Variants in EYS observed in about 807,000 individuals in gnomAD.
EYS encodes EGF-like photoreceptor maintenance factor.
A neutral mutation model predicts 282.1 loss-of-function variants in EYS; 250 were observed. That is an observed-to-expected ratio of 0.89 (90% CI 0.80 to 0.98). EYS has a LOEUF of 0.98. Ranked by LOEUF, EYS falls within the 50% of genes least tolerant of loss-of-function variation. The probability of loss-of-function intolerance (pLI) is 0.00; values close to 1 mark genes in which losing one functional copy is unlikely to be tolerated. For missense variants in EYS, 4,016 were observed against 3,709.0 expected (o/e 1.08, Z -2.15); for synonymous variants, 1,355 against 1,282.9 (o/e 1.06, Z -1.20).
chr6:63,749,112 G>A (rs1582168573), intron 41 of EYS, among the ~76,000 whole-genome samples: 2 of 152,062 alleles, frequency 1.3e-5, no homozygotes, highest in South Asian at 4.2e-4. Flanking sequence ...TTTTTGATAT[G>A]GGTGTTCAGT....
At chr6:65,452,741 TC>T (rs1764451838) in intron 5 of EYS, among the ~76,000 whole-genome samples, 1 of 152,008 alleles carries the variant, frequency 6.6e-6, no homozygotes, top group African/African-American at 2.4e-5. Context: ...TATCTTACAG[TC>T]CAAGATATTG....
At chr6:64,923,152 GA>G (rs34847710) in intron 15 of EYS, among the ~76,000 whole-genome samples, 22 of 151,798 alleles carry the variant, frequency 1.4e-4, no homozygotes, top group Non-Finnish European at 2.4e-4. Context: ...AGACACGGGG[GA>G]AAAAAAGGTT....
At chr6:65,304,106 G>A (rs2150293233) in intron 11 of EYS, 1 of 730,866 alleles carries the variant, frequency 1.4e-6, no homozygotes, top group East Asian at 2.6e-5. Context: ...AGGAAATGAA[G>A]TTGATTTTCT....
At chr6:64,438,655 G>A (rs1774830500) in intron 27 of EYS, among the ~76,000 whole-genome samples, 1 of 150,836 alleles carries the variant, frequency 6.6e-6, no homozygotes. Flanking sequence ...AAAATAAGGA[G>A]AAAAAAAGAC....
At chr6:65,543,485 C>A (rs908269649) in intron 2 of EYS, among the ~76,000 whole-genome samples, 11 of 147,366 alleles carry the variant, frequency 7.5e-5, no homozygotes, top group Non-Finnish European at 1.5e-4. Flanking sequence ...GTGTATATAT[C>A]TATATATATA....
At chr6:65,187,219 G>GT (rs1305481555) in intron 12 of EYS, among the ~76,000 whole-genome samples, 5 of 151,626 alleles carry the variant, frequency 3.3e-5, no homozygotes, top group African/African-American at 1.2e-4. Flanking sequence ...TCTTAGTATA[G>GT]TTTTTTGGTT....
chr6:65,380,862 A>T (rs557284710), intron 8 of EYS, among the ~76,000 whole-genome samples: 1 of 152,276 alleles, frequency 6.6e-6, no homozygotes, highest in Non-Finnish European at 1.5e-5. Context: ...CAAACATATA[A>T]AAAAAAGCTC....
intron 37 of EYS, among the ~76,000 whole-genome samples, chr6:63,796,931 A>G (rs1770659475): frequency 6.6e-6 from 1 of 152,204 alleles, no homozygotes; most frequent in African/African-American, 2.4e-5. Context: ...AGGAGCCACA[A>G]CGATGGTGCT....
At chr6:64,723,662 C>T (rs1415054173) in intron 22 of EYS, among the ~76,000 whole-genome samples, 2 of 152,152 alleles carry the variant, frequency 1.3e-5, no homozygotes, top group African/African-American at 4.8e-5. Context: ...AATCAATATC[C>T]TTCCTCTTTG....
rs1768648673 is a variant in EYS, at chr6:65,295,911, T to C, written c.1975A>G (p.Thr659Ala). 1 of 1,550,850 alleles carries C rather than the reference T, an allele frequency of 6.4e-7. No homozygotes were observed. Among genetic ancestry groups the C allele is most frequent in the Non-Finnish European group, 8.7e-7 (1 of 1,146,432 alleles). Residue 659 changes from threonine to alanine, a missense_variant, in exon 12 of 43, where the codon ACA becomes GCA. Thr to Ala is a moderately conservative substitution (Grantham distance 58). Transcript: ENST00000503581. ...CGGAAGAAATATCCCCTTAAATGTG[T>C]ACTAGTTGTTCCATTTTTGCAGGAC... ...SASCKNGTTS[T>A]HLRGYFFRKC...
intron 26 of EYS, among the ~76,000 whole-genome samples, chr6:64,517,843 A>G: frequency 6.6e-6 from 1 of 151,916 alleles, no homozygotes; most frequent in East Asian, 1.9e-4. Context: ...AAAAGTATCT[A>G]CAAGCCAACT....
At chr6:64,758,352 G>A (rs1405486961) in intron 22 of EYS, among the ~76,000 whole-genome samples, 2 of 152,160 alleles carry the variant, frequency 1.3e-5, no homozygotes, top group African/African-American at 4.8e-5. Flanking sequence ...CAAAATATAA[G>A]AGGATTATTG....
intron 1 of EYS, among the ~76,000 whole-genome samples, chr6:65,640,759 G>C (rs1206779211): frequency 1.3e-5 from 2 of 151,770 alleles, no homozygotes; most frequent in Non-Finnish European, 2.9e-5. Flanking sequence ...TATTTGATGA[G>C]GTACAGTTTC....
chr6:65,451,674 CAT>C (rs1267278188), intron 5 of EYS, among the ~76,000 whole-genome samples: 1 of 151,940 alleles, frequency 6.6e-6, no homozygotes, highest in Non-Finnish European at 1.5e-5. Context: ...AGTTAGCAAA[CAT>C]AAAGTCATTT....
intron 12 of EYS, among the ~76,000 whole-genome samples, chr6:65,097,670 TGAAGAA>T: frequency 6.6e-6 from 1 of 150,812 alleles, no homozygotes; most frequent in Non-Finnish European, 1.5e-5. Context: ...TATTCAGTCT[TGAAGAA>T]GAAGGAAGTC....
chr6:64,656,150 T>G (rs528344557), intron 22 of EYS, among the ~76,000 whole-genome samples: 1 of 151,916 alleles, frequency 6.6e-6, no homozygotes, highest in Non-Finnish European at 1.5e-5. Context: ...AAGATCTTTG[T>G]AGATATTACA....
intron 22 of EYS, among the ~76,000 whole-genome samples, chr6:64,756,823 A>AAATAAC (rs1461483490): frequency 6.6e-6 from 1 of 152,142 alleles, no homozygotes; most frequent in Non-Finnish European, 1.5e-5. Context: ...GATAATTTTA[A>AAATAAC]AATAACAATA....
chr6:65,544,001 AGTGTGT>A (rs751872447), intron 2 of EYS, among the ~76,000 whole-genome samples: 69 of 145,084 alleles, frequency 4.8e-4, no homozygotes, highest in Non-Finnish European at 8.3e-4. Context: ...AAAAAGAGAA[AGTGTGT>A]GTGTGTGTGT....
rs560737655 is a variant in EYS at position 65,650,365 on chromosome 6, T to C, written c.-447-10473A>G. Among the ~76,000 whole-genome samples the C allele has an allele frequency of 4.6e-5, 7 of 152,318 alleles. No individual in the cohort carries two copies. In the East Asian group the frequency reaches 1.4e-3, roughly 29 times the overall value. ...TCATAACAGATTCTCAGTCTCACAA[T>C]TAAACTAAAATCTAGGCTTGAAGAG... On this transcript the variant is annotated intron_variant, in intron 1 of 42. Coordinates refer to ENST00000503581, the MANE Select transcript of EYS (RefSeq NM_001142800.2).
Sources: allele counts gnomAD v4.1 joint callset (sites outside exome capture counted in the v4.1 genomes callset), GRCh38; gene constraint gnomAD v4.1.1; transcripts MANE v1.5; gene names NCBI Gene and HGNC (gene_info 2026-07-23, HGNC 2026-07-21).